The following NTSR1 variants were observed in gnomAD, a reference collection of about 807,000 sequenced individuals.
The protein encoded by NTSR1 is neurotensin receptor 1, also known as neurotensin receptor type 1.
In NTSR1, 29 loss-of-function variants were observed where a neutral mutation model predicts 31.2. The observed-to-expected ratio is 0.93, with a 90% CI of 0.69 to 1.27. The LOEUF is 1.27. Ranked by LOEUF, NTSR1 falls within the 50% of genes most tolerant of loss-of-function variation. The pLI, the probability that NTSR1 is intolerant of heterozygous loss-of-function variation, is 0.00. For synonymous variants in NTSR1, 282 were observed against 269.9 expected (o/e 1.04, Z -0.44); for missense variants, 697 against 595.4 (o/e 1.17, Z -1.78).
chr20:62,710,486 G>A (rs1988586432), intron 1 of NTSR1, among the ~76,000 whole-genome samples: 1 of 152,176 alleles, frequency 6.6e-6, no homozygotes, highest in Non-Finnish European at 1.5e-5. Flanking sequence ...AGGACGCGTG[G>A]GAAGTGTTTG....
At chr20:62,749,839 G>C (rs1222293903) in intron 1 of NTSR1, among the ~76,000 whole-genome samples, 1 of 152,188 alleles carries the variant, frequency 6.6e-6, no homozygotes, top group Non-Finnish European at 1.5e-5. Context: ...CCGGTGCACT[G>C]TTGGTGGGAA....
chr20:62,729,188 C>T (rs928988260), intron 1 of NTSR1, among the ~76,000 whole-genome samples: 1 of 152,218 alleles, frequency 6.6e-6, no homozygotes, highest in Non-Finnish European at 1.5e-5. Context: ...GCCTGCAGCC[C>T]CCAGGAGTGG....
chr20:62,752,547 A>T (rs928114468), intron 1 of NTSR1, among the ~76,000 whole-genome samples: 1 of 152,224 alleles, frequency 6.6e-6, no homozygotes, highest in Non-Finnish European at 1.5e-5. Context: ...CTCCCTCTGG[A>T]AACGGCAGGA....
At chr20:62,754,540 A>G (rs1989446524) in intron 1 of NTSR1, 145 bp from the exon 2 acceptor site, 2 of 706,286 alleles carry the variant, frequency 2.8e-6, no homozygotes, top group East Asian at 2.6e-5. Flanking sequence ...GGCAGCCGGG[A>G]TAGGGCCGGA....
intron 1 of NTSR1, among the ~76,000 whole-genome samples, chr20:62,721,078 C>T (rs1198940270): frequency 6.6e-6 from 1 of 152,196 alleles, no homozygotes; most frequent in Non-Finnish European, 1.5e-5. Context: ...GTCACATGCA[C>T]ACTTGAGCAG....
chr20:62,747,183 ACTC>A (rs1167991439), intron 1 of NTSR1, among the ~76,000 whole-genome samples: 9 of 152,222 alleles, frequency 5.9e-5, no homozygotes, highest in Non-Finnish European at 1.3e-4. Context: ...ATTTGACAAA[ACTC>A]AGCATCCTTT....
At chr20:62,737,739 A>T (rs1048046111) in intron 1 of NTSR1, among the ~76,000 whole-genome samples, 4 of 151,640 alleles carry the variant, frequency 2.6e-5, no homozygotes, top group Non-Finnish European at 4.4e-5. Flanking sequence ...CCCACCCCTG[A>T]GAGCAAACCC....
In NTSR1 at chr20:62,711,659, C is replaced by T. The variant is rs1454198580; in HGVS notation, c.714+1738C>T. Among the ~76,000 whole-genome samples, 1 of 151,782 alleles carries T rather than the reference C, an allele frequency of 6.6e-6. No individual in the cohort carries two copies. The highest frequency in any genetic ancestry group is 1.5e-5 in the Non-Finnish European group (1 of 67,946). On this transcript the variant is annotated intron_variant, in intron 1 of 3. Transcript: ENST00000370501. The surrounding 1 kb of genome is among the most constrained non-coding windows in gnomAD (Gnocchi z 6.4). Reference sequence around the variant, plus strand: ...AGGCCAGGAGCTCACCAGCCTCCTGCAGTCCTCAAAAACAAACAGCCGAAA... The same window carrying T: ...AGGCCAGGAGCTCACCAGCCTCCTGTAGTCCTCAAAAACAAACAGCCGAAA...
Position 62,709,153 on chromosome 20 carries a change from C to T in NTSR1, c.-55C>T, listed in dbSNP as rs753856450. 7 of 1,331,028 alleles carry T rather than the reference C, an allele frequency of 5.3e-6. No individual in the cohort carries two copies. Among genetic ancestry groups the T allele is most frequent in the Middle Eastern group, 2.7e-4 (1 of 3,638 alleles). The allele number at this position is 1,331,028 out of a possible 1,614,324, so 82.5% of individuals were successfully genotyped here. ...CCCGCCTGAGACGCGCCCACTCCTGCCCGGACTTCCAGCCCCGGAGGCGCC... is the reference window on the plus strand; with the variant it reads ...CCCGCCTGAGACGCGCCCACTCCTGTCCGGACTTCCAGCCCCGGAGGCGCC... On this transcript the variant is annotated 5_prime_UTR_variant, in exon 1 of 4. Transcript: ENST00000370501.
Position 62,754,795 on chromosome 20 carries a change from A to T in NTSR1, c.825A>T (p.Gln275His), listed in dbSNP as rs35373650. 6.2e-7 allele frequency: 1 copy of T among 1,611,518 alleles called. No homozygotes were observed. Among genetic ancestry groups the T allele is most frequent in the Non-Finnish European group, 8.5e-7 (1 of 1,179,734 alleles). Residue 275 changes from glutamine (Q) to histidine (H), a missense_variant, in exon 2 of 4, where the codon CAA (glutamine) becomes CAT (histidine). Gln to His is a conservative substitution (Grantham distance 24, BLOSUM62 0). Coordinates refer to ENST00000370501, the MANE Select transcript of NTSR1 (RefSeq NM_002531.3). ...TACGCCAGGCGGCCGAGCAGGGCCA[A>T]GTGTGCACGGTCGGGGGCGAGCACA... is the stretch of plus-strand genomic sequence containing the variant. ...VMVRQAAEQG[Q>H]VCTVGGEHST...
In NTSR1 at chr20:62,709,900, C is replaced by T. The variant is rs201781016; in HGVS notation, c.693C>T (p.Ala231=). 18 of 1,597,018 alleles carry T rather than the reference C, an allele frequency of 1.1e-5. No individual in the cohort carries two copies. The highest frequency in any genetic ancestry group is 1.1e-4 in the African/African-American group (8 of 74,626). ...GLVCTPTIHT[A]TVKVVIQVNT... is the part of the protein sequence containing the mutation. ...TGTGCACCCCCACCATCCACACTGC[C>T]ACCGTCAAGGTCGTCATACAGGTGA... is the stretch of plus-strand genomic sequence containing the variant. The change falls in exon 1 of 4, where the codon GCC becomes GCT. Residue 231 remains alanine (A), a synonymous_variant. Transcript: ENST00000370501.
intron 1 of NTSR1, among the ~76,000 whole-genome samples, chr20:62,726,876 G>T (rs1988915757): frequency 6.6e-6 from 1 of 152,150 alleles, no homozygotes. Context: ...GGCACTTCCT[G>T]CCCAGGATTC....
chr20:62,745,007 G>A lies in NTSR1; in HGVS notation c.715-9678G>A, dbSNP rs1989274322. ...GCAGCCCCACCTCCAGACCACCACG[G>A]CTGTCACAGCAGACACCCCTGTCTC... On this transcript the variant is annotated intron_variant, in intron 1 of 3. Coordinates refer to ENST00000370501, the MANE Select transcript of NTSR1 (RefSeq NM_002531.3). This position sits in a 1 kb window ranked among gnomAD's most constrained non-coding sequence, Gnocchi z 4.1. 6.6e-6 allele frequency among the ~76,000 whole-genome samples: 1 copy of A among 152,146 alleles called. No individual in the cohort carries two copies. Among genetic ancestry groups the A allele is most frequent in the East Asian group, 1.9e-4 (1 of 5,194 alleles).
At position 62,760,448 on chromosome 20, in the gene NTSR1, C is replaced by T. The variant is rs1310476301; in HGVS notation, c.*181C>T. The T allele has an allele frequency of 2.7e-5, 16 of 590,308 alleles. No homozygotes were observed. The highest frequency in any genetic ancestry group is 1.4e-4 in the African/African-American group (7 of 51,510). 36.6% of individuals were successfully genotyped at this position (590,308 alleles called of 1,614,324 possible). A position where few individuals can be genotyped will look rare whatever the true frequency, so the allele number is the denominator to read the frequency against. On this transcript the variant is annotated 3_prime_UTR_variant, in exon 4 of 4. Coordinates refer to ENST00000370501, the MANE Select transcript of NTSR1 (RefSeq NM_002531.3). ...ACCCATGTTTCTCATTAGTGTCTCCCGGGCCTGTCCCCAACTCCTCCCCAC... is the reference window on the plus strand; with the variant it reads ...ACCCATGTTTCTCATTAGTGTCTCCTGGGCCTGTCCCCAACTCCTCCCCAC...
intron 1 of NTSR1, among the ~76,000 whole-genome samples, chr20:62,721,562 A>G (rs1175529907): frequency 1.3e-5 from 2 of 152,216 alleles, no homozygotes; most frequent in East Asian, 1.9e-4. Context: ...CTGTTCAGCC[A>G]TTCCACATGA....
Position 62,760,302 on chromosome 20 carries a change from G to A in NTSR1, c.*35G>A. ...CCCGGAACGTGTCCAGGAGGAGCCTGGCCATGGGTCCTTGCCCCCGACAGA... is the reference window on the plus strand; with the variant it reads ...CCCGGAACGTGTCCAGGAGGAGCCTAGCCATGGGTCCTTGCCCCCGACAGA... On this transcript the variant is annotated 3_prime_UTR_variant, in exon 4 of 4. Transcript: ENST00000370501. 1 of 1,570,520 alleles carries A rather than the reference G, an allele frequency of 6.4e-7. No homozygotes were observed. The highest frequency in any genetic ancestry group is 8.6e-7 in the Non-Finnish European group (1 of 1,157,162).
intron 2 of NTSR1, chr20:62,756,747 T>A (rs1213980848): frequency 1.3e-5 from 2 of 152,272 alleles, no homozygotes; most frequent in African/African-American, 4.8e-5. Context: ...TGTGTCCTGG[T>A]CCCAGTGTGT....
chr20:62,719,425 T>A (rs543586891), intron 1 of NTSR1, among the ~76,000 whole-genome samples: 2 of 152,286 alleles, frequency 1.3e-5, no homozygotes, highest in Admixed American at 1.3e-4. Flanking sequence ...AAGTACACTG[T>A]CACATGACCA....
chr20:62,749,427 C>T (rs1197850049), intron 1 of NTSR1, among the ~76,000 whole-genome samples: 1 of 152,150 alleles, frequency 6.6e-6, no homozygotes, highest in African/African-American at 2.4e-5. Flanking sequence ...GAAACTATAA[C>T]ACTGCTAGGA....
Sources: gnomAD v4.1 joint callset for allele counts (sites outside exome capture counted in the v4.1 genomes callset) on GRCh38, gnomAD v4.1.1 for gene constraint, Gnocchi (gnomAD v3.1) non-coding constraint, MANE v1.5 for transcripts, NCBI Gene and HGNC (gene_info 2026-07-23, HGNC 2026-07-21) for gene names.